The following RBPJL variants were observed in gnomAD, a reference collection of about 807,000 sequenced individuals.
RBPJL encodes the protein recombining binding protein suppressor of hairless-like protein.
RBPJL carries 50 observed loss-of-function variants against 57.6 expected under a neutral mutation model. The ratio of observed to expected loss-of-function variants is 0.87; its 90% CI spans 0.69 to 1.10. RBPJL has a LOEUF of 1.10. Ranked by LOEUF, RBPJL falls within the 50% of genes least tolerant of loss-of-function variation. RBPJL has a pLI of 0.00. For missense variants in RBPJL, 684 were observed against 693.7 expected, an observed-to-expected ratio of 0.99 and a Z score of 0.16; for synonymous variants, 303 against 294.4, an observed-to-expected ratio of 1.03 and a Z score of -0.30.
At chr20:45,309,743 C>T (rs1209080177) in intron 3 of RBPJL, 51 bp downstream of exon 3, 4 of 1,604,556 alleles carry the variant, frequency 2.5e-6, no homozygotes, top group Middle Eastern at 3.3e-4. Flanking sequence ...CAGCCCTATG[C>T]ACCTCCTCCA....
At chr20:45,308,055 G>C in intron 1 of RBPJL, 88 bp from the exon 2 acceptor site, 1 of 849,152 alleles carries the variant, frequency 1.2e-6, no homozygotes, top group Non-Finnish European at 2.0e-6. Context: ...AAGTGGGGAA[G>C]GGCACTGCAA....
intron 1 of RBPJL, among the ~76,000 whole-genome samples, chr20:45,307,148 C>T (rs905761300): frequency 6.6e-6 from 1 of 152,134 alleles, no homozygotes; most frequent in African/African-American, 2.4e-5. Flanking sequence ...TTCACTAAAC[C>T]TCATTTCCTT....
Position 45,308,200 on chromosome 20 carries a change from T to C in RBPJL, c.80T>C (p.Met27Thr). 2 of 1,614,072 alleles carry C rather than the reference T, an allele frequency of 1.2e-6. No individual in the cohort carries two copies. ...THLSLQDRSEMQLQSEADRRS... is the reference protein window; with the variant it reads ...THLSLQDRSETQLQSEADRRS... ...CTGAGCCTGCAGGACAGATCAGAGA[T>C]GCAGCTGCAGAGCGAAGCCGACAGG... The change falls in exon 2 of 12, where the codon ATG (methionine) becomes ACG (threonine). Residue 27 changes from methionine to threonine, a missense_variant. Physicochemically the swap from Met to Thr is moderately conservative, Grantham distance 81. Transcript: ENST00000343694.
rs751507015 is a variant in RBPJL, at chr20:45,312,226, C to G, written c.450C>G (p.Phe150Leu). Reference sequence around the variant, plus strand: ...TGTACCTGTGAGCCCCCTAGGAATTCGGCTGCGCCAAGACCCTGTACATCT... The same window carrying G: ...TGTACCTGTGAGCCCCCTAGGAATTGGGCTGCGCCAAGACCCTGTACATCT... The part of the protein sequence containing the change: ...NFEQQPDSRE[F>L]GCAKTLYISD... The change falls in exon 6 of 12, where the codon TTC (phenylalanine) becomes TTG (leucine). Residue 150 changes from phenylalanine (F) to leucine (L), a missense_variant. Coordinates refer to ENST00000343694, the MANE Select transcript of RBPJL (RefSeq NM_014276.4). 3 of 1,614,078 alleles carry G rather than the reference C, an allele frequency of 1.9e-6. No homozygotes were observed. The African/African-American group carries it at 4.0e-5, about 22-fold the overall frequency.
chr20:45,313,405 C>G, intron 6 of RBPJL, 63 bp from the exon 7 acceptor site: 1 of 1,414,218 alleles, frequency 7.1e-7, no homozygotes, highest in Non-Finnish European at 9.6e-7. Context: ...TAACCCTAAC[C>G]CTATCCCCTC....
intron 3 of RBPJL, among the ~76,000 whole-genome samples, chr20:45,310,992 A>G (rs942780213): frequency 6.6e-6 from 1 of 151,806 alleles, no homozygotes; most frequent in African/African-American, 2.4e-5. Context: ...TTGTGTCTGT[A>G]GTCTCACCTA....
intron 6 of RBPJL, 79 bp downstream of exon 6, chr20:45,312,474 G>A (rs1414219345): frequency 3.5e-6 from 5 of 1,424,572 alleles, no homozygotes; most frequent in Non-Finnish European, 4.8e-6. Context: ...GGGGCGCGGA[G>A]GTGGGGGTAG....
intron 1 of RBPJL, 130 bp from the exon 2 acceptor site, chr20:45,308,013 G>A: frequency 1.6e-6 from 1 of 621,872 alleles, no homozygotes; most frequent in Middle Eastern, 2.6e-4. Flanking sequence ...TGGCTTTGAG[G>A]GTGGGGGCTC....
At position 45,312,403 on chromosome 20, in the gene RBPJL, G is replaced by A; in HGVS notation, c.619+8G>A. The A allele has an allele frequency of 6.2e-7, 1 of 1,610,464 alleles. No homozygotes were observed. Among genetic ancestry groups the A allele is most frequent in the Non-Finnish European group, 8.5e-7 (1 of 1,178,210 alleles). On this transcript the variant is annotated splice_region_variant and intron_variant, in intron 6 of 11. Transcript: ENST00000343694. ...CGCTGAAAAACACCGATCGTGAGCA[G>A]GGCGGGGCCTGACCCCCGGCCCGGG...
At position 45,308,228 on chromosome 20, in the gene RBPJL, G is replaced by A. The variant is rs770134767; in HGVS notation, c.108G>A (p.Arg36=). 9.9e-6 allele frequency: 16 copies of A among 1,613,864 alleles called. No homozygotes were observed. The highest frequency in any genetic ancestry group is 1.3e-5 in the Non-Finnish European group (15 of 1,179,734). The change falls in exon 2 of 12, where the codon CGG becomes CGA. Residue 36 remains arginine (R), a synonymous_variant. Transcript: ENST00000343694. Reference sequence around the variant, plus strand: ...AGCTGCAGAGCGAAGCCGACAGGCGGAGCCTCCCGGGCACTTGGACCAGGT... The same window carrying A: ...AGCTGCAGAGCGAAGCCGACAGGCGAAGCCTCCCGGGCACTTGGACCAGGT... ...EMQLQSEADR[R]SLPGTWTRSS... is the part of the protein sequence containing the mutation.
At chr20:45,314,687 T>A in intron 9 of RBPJL, 122 bp downstream of exon 9, 1 of 868,246 alleles carries the variant, frequency 1.2e-6, no homozygotes, top group Non-Finnish European at 1.8e-6. Context: ...CATGGAACAT[T>A]AAAATCATAG....
chr20:45,312,454 C>A, intron 6 of RBPJL, 59 bp downstream of exon 6: 1 of 1,549,060 alleles, frequency 6.5e-7, no homozygotes, highest in African/African-American at 1.4e-5. Flanking sequence ...AAGCCCAGAA[C>A]GGCTAAACTG....
At chr20:45,312,483 A>AGGCT (rs1385658469) in intron 6 of RBPJL, 88 bp downstream of exon 6, 2 of 1,363,466 alleles carry the variant, frequency 1.5e-6, no homozygotes, top group African/African-American at 2.9e-5. Context: ...AGGTGGGGGT[A>AGGCT]GGCTGGGCTT....
intron 2 of RBPJL, 69 bp from the exon 3 acceptor site, chr20:45,309,498 G>A: frequency 1.3e-6 from 2 of 1,520,462 alleles, no homozygotes; most frequent in South Asian, 1.3e-5. Context: ...CAACCTGAGT[G>A]CTTGGACCCT....
At chr20:45,312,072 G>A (rs866115317) in intron 5 of RBPJL, 118 bp downstream of exon 5, 5 of 1,445,632 alleles carry the variant, frequency 3.5e-6, no homozygotes, top group Non-Finnish European at 3.8e-6. Flanking sequence ...CGGGAGGCCG[G>A]GGTCCTGCCT....
Position 45,317,036 on chromosome 20 carries a change from A to C in RBPJL, c.*77A>C, listed in dbSNP as rs1215469497. 1.3e-5 allele frequency: 19 copies of C among 1,504,540 alleles called. No homozygotes were observed. The highest frequency in any genetic ancestry group is 2.0e-5 in the Admixed American group (1 of 49,016). 93.2% of individuals were successfully genotyped at this position (1,504,540 alleles called of 1,614,324 possible). On this transcript the variant is annotated 3_prime_UTR_variant, in exon 12 of 12. Coordinates refer to ENST00000343694, the MANE Select transcript of RBPJL (RefSeq NM_014276.4). ...GCGCGGGGACGTGTTTCTGGGTTCT[A>C]GGCCCTGCTTCCTTGCCCCTTTGCT...
intron 1 of RBPJL, among the ~76,000 whole-genome samples, chr20:45,307,303 G>A (rs994285436): frequency 7.2e-5 from 11 of 152,164 alleles, no homozygotes; most frequent in African/African-American, 2.7e-4. Context: ...CGCCTATTCT[G>A]AGCGAGGCCA....
In RBPJL at chr20:45,313,904, C is replaced by A; in HGVS notation, c.758-131C>A. On this transcript the variant is annotated intron_variant, in intron 7 of 11. Transcript: ENST00000343694. ...CCAGAATTAGAACCTTCAGTTGGCT[C>A]CCCTGAGTACCAAGCTTTCCCGCAG... The A allele has an allele frequency of 4.1e-6, 3 of 738,948 alleles. No individual in the cohort carries two copies. In the South Asian group the frequency reaches 5.0e-5, roughly 12 times the overall value. The allele number at this position is 738,948 out of a possible 1,614,324, so 45.8% of individuals were successfully genotyped here.
In RBPJL at chr20:45,316,972, G is replaced by C; in HGVS notation, c.*13G>C. The C allele has an allele frequency of 1.1e-5, 18 of 1,604,706 alleles. No individual in the cohort carries two copies. The highest frequency in any genetic ancestry group is 1.5e-5 in the Non-Finnish European group (18 of 1,173,660). ...CATCCAGACTTAGGCGCGCCCGGTAGCCCCGGCTGCCCACCCTGGAGGGCT... is the reference window on the plus strand; with the variant it reads ...CATCCAGACTTAGGCGCGCCCGGTACCCCCGGCTGCCCACCCTGGAGGGCT... On this transcript the variant is annotated 3_prime_UTR_variant, in exon 12 of 12. Transcript: ENST00000343694.
Sources: allele counts gnomAD v4.1 joint callset (sites outside exome capture counted in the v4.1 genomes callset), GRCh38; gene constraint gnomAD v4.1.1; transcripts MANE v1.5; gene names NCBI Gene and HGNC (gene_info 2026-07-23, HGNC 2026-07-21).